RPTOR: variants seen among roughly 807,000 people sequenced by gnomAD.
RPTOR encodes the protein regulatory associated protein of MTOR complex 1.
RPTOR carries 21 observed loss-of-function variants against 169.9 expected under a neutral mutation model. The ratio of observed to expected loss-of-function variants is 0.12; its 90% CI spans 0.09 to 0.18. RPTOR has a LOEUF of 0.18. RPTOR is among the 10% of genes least tolerant of loss of function. The pLI is 1.00. For missense variants in RPTOR, 1,133 were observed against 1,855.9 expected (o/e 0.61, Z 7.16); for synonymous variants, 732 against 753.2 (o/e 0.97, Z 0.46).
chr17:80,791,389 T>C, intron 6 of RPTOR, 61 bp from the exon 7 acceptor site: 2 of 1,495,006 alleles, frequency 1.3e-6, no homozygotes, highest in Non-Finnish European at 9.3e-7. Flanking sequence ...TCTGCAGGCC[T>C]GTTGAATTTC....
At chr17:80,951,286 C>G (rs968946380) in intron 28 of RPTOR, among the ~76,000 whole-genome samples, 2 of 152,232 alleles carry the variant, frequency 1.3e-5, no homozygotes, top group African/African-American at 4.8e-5. Flanking sequence ...CTGTGCTGCC[C>G]CACGGGCTCT....
intron 2 of RPTOR, among the ~76,000 whole-genome samples, chr17:80,629,196 T>G (rs1183567187): frequency 1.3e-5 from 2 of 151,726 alleles, no homozygotes; most frequent in Non-Finnish European, 2.9e-5. Context: ...TGTCTATGTA[T>G]TGCGCTGTCG....
intron 1 of RPTOR, among the ~76,000 whole-genome samples, chr17:80,568,358 C>G (rs2064868160): frequency 6.6e-6 from 1 of 152,096 alleles, no homozygotes; most frequent in Non-Finnish European, 1.5e-5. Flanking sequence ...TGAGGTTGTC[C>G]TTATTTCACC....
intron 13 of RPTOR, among the ~76,000 whole-genome samples, chr17:80,879,880 G>A (rs930213609): frequency 1.3e-5 from 2 of 152,376 alleles, no homozygotes; most frequent in Admixed American, 1.3e-4. Context: ...GGCTGCCCCT[G>A]AGGGTGAACA....
chr17:80,964,206 C>CCCCGCAGTGTCTG, intron 33 of RPTOR, 56 bp from the exon 34 acceptor site: 1 of 1,263,828 alleles, frequency 7.9e-7, no homozygotes, highest in Non-Finnish European at 1.1e-6. Flanking sequence ...CCCCCCCGCC[C>CCCCGCAGTGTCTG]CCCGCAGTGT....
intron 9 of RPTOR, among the ~76,000 whole-genome samples, chr17:80,834,834 G>A (rs1212394280): frequency 1.3e-5 from 2 of 152,168 alleles, no homozygotes; most frequent in African/African-American, 2.4e-5. Context: ...GTGCCACGCT[G>A]GTCTGCTCGG....
intron 7 of RPTOR, among the ~76,000 whole-genome samples, chr17:80,799,339 G>T (rs943032538): frequency 3.3e-5 from 5 of 152,174 alleles, no homozygotes; most frequent in African/African-American, 1.2e-4. Context: ...GTGACATCTC[G>T]AGTGACGCAC....
chr17:80,547,146 T>C (rs1236946730), intron 1 of RPTOR, among the ~76,000 whole-genome samples: 2 of 152,204 alleles, frequency 1.3e-5, no homozygotes, highest in Non-Finnish European at 2.9e-5. Flanking sequence ...CTGACTTGGC[T>C]TACTTCTAAA....
intron 13 of RPTOR, among the ~76,000 whole-genome samples, chr17:80,867,372 A>AC (rs1046793009): frequency 1.3e-5 from 2 of 151,914 alleles, no homozygotes; most frequent in African/African-American, 2.4e-5. Context: ...TAAAAAAAAA[A>AC]AACTCCCTGC....
chr17:80,787,302 C>T (rs1277735742), intron 6 of RPTOR, among the ~76,000 whole-genome samples: 1 of 152,154 alleles, frequency 6.6e-6, no homozygotes, highest in Non-Finnish European at 1.5e-5. Context: ...CATGTTCCTC[C>T]ATATTGATGT....
intron 7 of RPTOR, among the ~76,000 whole-genome samples, chr17:80,817,524 C>T (rs747979990): frequency 2.6e-5 from 4 of 151,448 alleles, no homozygotes; most frequent in East Asian, 2.0e-4. Context: ...CACGTGGGCA[C>T]CTGTGAGTGA....
intron 1 of RPTOR, among the ~76,000 whole-genome samples, chr17:80,623,679 G>T (rs1221764099): frequency 6.6e-6 from 1 of 151,924 alleles, no homozygotes; most frequent in African/African-American, 2.4e-5. Flanking sequence ...AGGATTACAG[G>T]TGCACACCAC....
At chr17:80,904,988 G>A (rs757319337) in intron 20 of RPTOR, among the ~76,000 whole-genome samples, 34 of 151,870 alleles carry the variant, frequency 2.2e-4, no homozygotes, top group Non-Finnish European at 3.5e-4. Flanking sequence ...CACGAAGGTC[G>A]ACAACAATAG....
intron 7 of RPTOR, among the ~76,000 whole-genome samples, chr17:80,793,227 A>G (rs1302674155): frequency 2.0e-5 from 3 of 152,202 alleles, no homozygotes; most frequent in Non-Finnish European, 4.4e-5. Context: ...CTTAACTGGT[A>G]AGTATAATGC....
intron 24 of RPTOR, among the ~76,000 whole-genome samples, chr17:80,926,587 A>G (rs918223680): frequency 6.6e-6 from 1 of 152,244 alleles, no homozygotes; most frequent in African/African-American, 2.4e-5. Flanking sequence ...AAGTTATGAA[A>G]TATTTGATGA....
chr17:80,829,002 T>A (rs190051905), intron 9 of RPTOR, among the ~76,000 whole-genome samples: 1 of 152,332 alleles, frequency 6.6e-6, no homozygotes, highest in East Asian at 1.9e-4. Context: ...CTAAACAGAT[T>A]TATAAATAAA....
chr17:80,746,355 C>G lies in RPTOR; in HGVS notation c.655-7655C>G, dbSNP rs549110414. Among the ~76,000 whole-genome samples, 749 of 152,072 alleles carry G rather than the reference C, an allele frequency of 4.9e-3. 4 individuals carry two copies. The highest frequency in any genetic ancestry group is 8.2e-3 in the Non-Finnish European group (554 of 67,940). On this transcript the variant is annotated intron_variant, in intron 5 of 33. Coordinates refer to ENST00000306801, the MANE Select transcript of RPTOR (RefSeq NM_020761.3). The surrounding 1 kb of genome is among the most constrained non-coding windows in gnomAD (Gnocchi z 4.5). Reference sequence around the variant, plus strand: ...TTCTGCGGGTGATCCCCACCGCCCCCACAGCGGTGCTTTCTGCAGGGAGCG... The same window carrying G: ...TTCTGCGGGTGATCCCCACCGCCCCGACAGCGGTGCTTTCTGCAGGGAGCG...
chr17:80,821,729 A>C (rs2143612436), intron 7 of RPTOR, among the ~76,000 whole-genome samples: 1 of 152,308 alleles, frequency 6.6e-6, no homozygotes, highest in East Asian at 1.9e-4. Flanking sequence ...TCCCTGTCGC[A>C]GGTATCAGCT....
intron 7 of RPTOR, among the ~76,000 whole-genome samples, chr17:80,807,311 T>C (rs2143560602): frequency 6.6e-6 from 1 of 152,330 alleles, no homozygotes; most frequent in Admixed American, 6.5e-5. Context: ...TCATCCTTTT[T>C]TTTTCCTGTT....
Sources: gnomAD v4.1 joint callset for allele counts (sites outside exome capture counted in the v4.1 genomes callset) on GRCh38, gnomAD v4.1.1 for gene constraint, Gnocchi (gnomAD v3.1) non-coding constraint, MANE v1.5 for transcripts, NCBI Gene and HGNC (gene_info 2026-07-23, HGNC 2026-07-21) for gene names.